NRG1: variants seen among roughly 807,000 people sequenced by gnomAD.
NRG1 encodes the protein pro-neuregulin-1, membrane-bound isoform.
A neutral mutation model predicts 63.8 loss-of-function variants in NRG1; 18 were observed. That is an observed-to-expected ratio of 0.28 (90% CI 0.19 to 0.42). The LOEUF is 0.42. Ranked by LOEUF, NRG1 falls within the 10% of genes least tolerant of loss-of-function variation. The probability of loss-of-function intolerance (pLI) is 1.00; values close to 1 mark genes in which losing one functional copy is unlikely to be tolerated. For synonymous variants in NRG1, 302 were observed against 301.3 expected (o/e 1.00, Z -0.02); for missense variants, 762 against 814.7 (o/e 0.94, Z 0.79).
chr8:32,529,565 C>A (rs1434951868), intron 1 of NRG1, among the ~76,000 whole-genome samples: 2 of 152,162 alleles, frequency 1.3e-5, no homozygotes, highest in African/African-American at 4.8e-5. Flanking sequence ...CAAAAATATT[C>A]TTTCTTCATA....
At chr8:32,636,171 ATTAAG>A (rs1851299291) in intron 5 of NRG1, among the ~76,000 whole-genome samples, 1 of 151,832 alleles carries the variant, frequency 6.6e-6, no homozygotes. Context: ...TTTCAAACAA[ATTAAG>A]TTAAGCCGTT....
chr8:32,103,949 C>T (rs1830913819), intron 1 of NRG1, among the ~76,000 whole-genome samples: 1 of 152,240 alleles, frequency 6.6e-6, no homozygotes. Flanking sequence ...AAAGAATTCA[C>T]CTGCTAAAAG....
At chr8:31,885,317 GA>G (rs1830637420) in intron 1 of NRG1, among the ~76,000 whole-genome samples, 1 of 151,510 alleles carries the variant, frequency 6.6e-6, no homozygotes, top group African/African-American at 2.4e-5. Flanking sequence ...CAGGAAAGCA[GA>G]AAAAAAATCT....
intron 1 of NRG1, among the ~76,000 whole-genome samples, chr8:32,061,339 G>A (rs1823822126): frequency 6.6e-6 from 1 of 151,904 alleles, no homozygotes; most frequent in East Asian, 1.9e-4. Context: ...TTATCCCTGA[G>A]TGTGTAATAA....
chr8:31,831,580 T>G (rs1825168642), intron 1 of NRG1, among the ~76,000 whole-genome samples: 1 of 152,218 alleles, frequency 6.6e-6, no homozygotes, highest in Non-Finnish European at 1.5e-5. Flanking sequence ...ATGTGAAACC[T>G]GGCCTGCTAA....
intron 1 of NRG1, among the ~76,000 whole-genome samples, chr8:32,118,183 G>T (rs542111160): frequency 6.6e-6 from 1 of 152,040 alleles, no homozygotes; most frequent in Non-Finnish European, 1.5e-5. Context: ...TAGCATTGGA[G>T]GTGGGCTTAA....
At chr8:31,832,940 A>G (rs1825310108) in intron 1 of NRG1, among the ~76,000 whole-genome samples, 1 of 152,128 alleles carries the variant, frequency 6.6e-6, no homozygotes, top group African/African-American at 2.4e-5. Context: ...GAACCTGAGA[A>G]CTGTCTCTTT....
chr8:32,044,934 C>T (rs372554341), intron 1 of NRG1, among the ~76,000 whole-genome samples: 1 of 56,616 alleles, frequency 1.8e-5, no homozygotes, highest in Non-Finnish European at 4.2e-5. Context: ...AAAAAAAACA[C>T]ACACACACAA....
At chr8:32,267,494 G>A (rs1023969312) in intron 1 of NRG1, among the ~76,000 whole-genome samples, 3 of 152,028 alleles carry the variant, frequency 2.0e-5, no homozygotes, top group Admixed American at 6.6e-5. Flanking sequence ...AGGACCACAG[G>A]ATATCAAACA....
intron 1 of NRG1, among the ~76,000 whole-genome samples, chr8:31,725,703 G>GT (rs1464264756): frequency 2.6e-5 from 4 of 152,146 alleles, no homozygotes; most frequent in Non-Finnish European, 4.4e-5. Context: ...CTCATTTTAA[G>GT]TTTTTTCTTT....
rs1563353686 is a variant in NRG1, at chr8:31,746,049, GAATC to G, written c.37+106621_37+106624del. 2.0e-5 allele frequency among the ~76,000 whole-genome samples: 3 copies of G among 151,716 alleles called. No individual in the cohort carries two copies. The East Asian group carries it at 5.8e-4, about 29-fold the overall frequency. On this transcript the variant is annotated intron_variant, in intron 1 of 10. Coordinates refer to the NRG1 transcript ENST00000519301. ...GTATCCCTCTTACTTTGACAAATCA[GAATC>G]AAGCGTGGTTGAATCTTAAAGACTT... is the stretch of plus-strand genomic sequence containing the variant.
chr8:32,374,938 G>A (rs915184723), intron 1 of NRG1, among the ~76,000 whole-genome samples: 4 of 151,930 alleles, frequency 2.6e-5, no homozygotes, highest in African/African-American at 7.3e-5. Context: ...CCCTAAGAAC[G>A]GATATTTTTG....
intron 1 of NRG1, among the ~76,000 whole-genome samples, chr8:32,047,408 A>G (rs1821182872): frequency 6.6e-6 from 1 of 152,080 alleles, no homozygotes; most frequent in East Asian, 1.9e-4. Context: ...TAGAAGAAAT[A>G]TGGTTGAAAG....
chr8:32,599,210 T>C (rs2129538211), intron 2 of NRG1, among the ~76,000 whole-genome samples: 1 of 152,254 alleles, frequency 6.6e-6, no homozygotes, highest in Admixed American at 6.5e-5. Flanking sequence ...TTCAGACTAT[T>C]AGTGTTTTGC....
At chr8:32,014,547 A>G (rs1815210662) in intron 1 of NRG1, among the ~76,000 whole-genome samples, 1 of 152,072 alleles carries the variant, frequency 6.6e-6, no homozygotes, top group Non-Finnish European at 1.5e-5. Context: ...GTAGGGTGAG[A>G]TAACAGAAGA....
intron 1 of NRG1, among the ~76,000 whole-genome samples, chr8:31,656,486 T>A (rs1805447723): frequency 6.6e-6 from 1 of 152,186 alleles, no homozygotes; most frequent in Non-Finnish European, 1.5e-5. Flanking sequence ...AACTTCCGGT[T>A]AAGATTGGGT....
chr8:32,093,131 T>C (rs1829423091), intron 1 of NRG1, among the ~76,000 whole-genome samples: 1 of 152,206 alleles, frequency 6.6e-6, no homozygotes, highest in Non-Finnish European at 1.5e-5. Flanking sequence ...TGTTTTGTAC[T>C]AAGAAAAATT....
At chr8:32,237,686 G>A (rs1371881112) in intron 1 of NRG1, among the ~76,000 whole-genome samples, 1 of 151,952 alleles carries the variant, frequency 6.6e-6, no homozygotes, top group Non-Finnish European at 1.5e-5. Flanking sequence ...GTTGATAAGT[G>A]GATCTGCTTA....
intron 1 of NRG1, among the ~76,000 whole-genome samples, chr8:31,853,818 T>C (rs1827528829): frequency 6.6e-6 from 1 of 152,114 alleles, no homozygotes. Context: ...GTTTTTAGCA[T>C]GAAGAGTTGT....
Sources: allele counts gnomAD v4.1 joint callset (sites outside exome capture counted in the v4.1 genomes callset), GRCh38; gene constraint gnomAD v4.1.1; transcripts MANE v1.5; gene names NCBI Gene and HGNC (gene_info 2026-07-23, HGNC 2026-07-21).